Variants in C12orf56 observed in about 807,000 individuals in gnomAD.
The protein encoded by C12orf56 is chromosome 12 open reading frame 56, also known as uncharacterized protein C12orf56.
C12orf56 carries 71 observed loss-of-function variants against 69.9 expected under a neutral mutation model. The observed-to-expected ratio is 1.02, with a 90% CI of 0.84 to 1.24. The LOEUF (loss-of-function observed/expected upper bound fraction) is 1.24, where lower values mean the gene tolerates loss of function less well. Among genes scored for constraint, C12orf56 ranks in the 50% most tolerant of loss-of-function variants. C12orf56 has a pLI of 0.00. For missense variants in C12orf56, 732 were observed against 738.5 expected (o/e 0.99, Z 0.10); for synonymous variants, 276 against 274.1 (o/e 1.01, Z -0.07).
intron 4 of C12orf56, 91 bp downstream of exon 4, chr12:64,318,484 A>G (rs1261124591): frequency 8.8e-7 from 1 of 1,139,480 alleles, no homozygotes; most frequent in African/African-American, 1.6e-5. Context: ...AAATTTCCAA[A>G]ATGGGAGGTA....
intron 1 of C12orf56, among the ~76,000 whole-genome samples, chr12:64,373,930 A>C (rs1465064980): frequency 6.6e-6 from 1 of 152,218 alleles, no homozygotes; most frequent in Non-Finnish European, 1.5e-5. Flanking sequence ...TTCACATTGT[A>C]CATAAGCTTA....
At chr12:64,357,175 T>C (rs1006738633) in intron 1 of C12orf56, among the ~76,000 whole-genome samples, 1 of 152,044 alleles carries the variant, frequency 6.6e-6, no homozygotes, top group Non-Finnish European at 1.5e-5. Flanking sequence ...TAATTTGGTC[T>C]ATTTACTACT....
chr12:64,358,986 T>C (rs1425851562), intron 1 of C12orf56, among the ~76,000 whole-genome samples: 1 of 152,204 alleles, frequency 6.6e-6, no homozygotes, highest in Non-Finnish European at 1.5e-5. Flanking sequence ...TACTCCAAAA[T>C]AGGGCGCTTC....
intron 1 of C12orf56, among the ~76,000 whole-genome samples, chr12:64,375,299 C>T (rs1269024446): frequency 1.3e-5 from 2 of 152,168 alleles, no homozygotes; most frequent in African/African-American, 4.8e-5. Context: ...AAGTGATTCA[C>T]CTGCTTCTGC....
At chr12:64,276,334 T>A (rs1421543537) in intron 9 of C12orf56, among the ~76,000 whole-genome samples, 1 of 152,118 alleles carries the variant, frequency 6.6e-6, no homozygotes, top group African/African-American at 2.4e-5. Context: ...ACAAGGGCTA[T>A]GAAAGAAATG....
At chr12:64,350,538 G>A (rs527817437) in intron 2 of C12orf56, among the ~76,000 whole-genome samples, 18 of 152,314 alleles carry the variant, frequency 1.2e-4, no homozygotes, top group African/African-American at 4.3e-4. Context: ...GCTGATAAAA[G>A]CCTCTTGGGA....
intron 10 of C12orf56, 87 bp from the exon 11 acceptor site, chr12:64,275,062 C>A: frequency 1.6e-6 from 2 of 1,236,208 alleles, no homozygotes; most frequent in East Asian, 2.4e-5. Context: ...ACATTTTTAT[C>A]CTGATTAATC....
At chr12:64,315,167 G>C (rs933958613) in intron 4 of C12orf56, among the ~76,000 whole-genome samples, 1 of 151,822 alleles carries the variant, frequency 6.6e-6, no homozygotes, top group Admixed American at 6.6e-5. Flanking sequence ...GTCCAGGCTG[G>C]TCTCAAACTC....
chr12:64,383,469 C>T (rs1485718773), intron 1 of C12orf56, among the ~76,000 whole-genome samples: 4 of 152,024 alleles, frequency 2.6e-5, no homozygotes, highest in African/African-American at 4.8e-5. Context: ...CTCCACCTCC[C>T]GGGTTCAAGC....
At chr12:64,388,821 C>T (rs2039827941) in intron 1 of C12orf56, among the ~76,000 whole-genome samples, 1 of 152,214 alleles carries the variant, frequency 6.6e-6, no homozygotes, top group South Asian at 2.1e-4. Context: ...GGTGCCACTG[C>T]ACTCCAGCCT....
intron 5 of C12orf56, among the ~76,000 whole-genome samples, chr12:64,309,495 TTTTGTTTGTTTGTTTG>T (rs139454399): frequency 6.6e-6 from 1 of 151,248 alleles, no homozygotes; most frequent in Non-Finnish European, 1.5e-5. Context: ...CACACTGTTT[TTTTGTTTGTTTGTTTG>T]TTTGTTTGTT....
intron 8 of C12orf56, among the ~76,000 whole-genome samples, chr12:64,280,880 T>C (rs371755134): frequency 7.5e-4 from 115 of 152,350 alleles, no homozygotes; most frequent in African/African-American, 2.5e-3. Flanking sequence ...CCAGTTAAGC[T>C]GTGCCCAGAT....
intron 6 of C12orf56, among the ~76,000 whole-genome samples, chr12:64,301,860 A>G (rs1471068396): frequency 6.6e-6 from 1 of 152,186 alleles, no homozygotes; most frequent in Non-Finnish European, 1.5e-5. Flanking sequence ...AGAATGGACT[A>G]ATACACAGCC....
chr12:64,358,545 G>A (rs2039355116), intron 1 of C12orf56, among the ~76,000 whole-genome samples: 1 of 145,844 alleles, frequency 6.9e-6, no homozygotes, highest in Non-Finnish European at 1.5e-5. Context: ...TGTGATTGCA[G>A]CACTTTGGGA....
intron 12 of C12orf56, chr12:64,267,544 T>C (rs1184672854): frequency 2.3e-6 from 1 of 443,856 alleles, no homozygotes; most frequent in Non-Finnish European, 4.0e-6. Context: ...CTCACCACAG[T>C]ATGAGCAGAG....
At chr12:64,312,585 G>A in intron 5 of C12orf56, 94 bp downstream of exon 5, 1 of 933,760 alleles carries the variant, frequency 1.1e-6, no homozygotes. Flanking sequence ...CTCCAGCCTG[G>A]GAAACAGAGT....
chr12:64,335,141 G>T (rs10878150), intron 2 of C12orf56, among the ~76,000 whole-genome samples: 4 of 151,932 alleles, frequency 2.6e-5, no homozygotes, highest in African/African-American at 7.3e-5. Flanking sequence ...TTGTGGCCAG[G>T]CATGGTGGCT....
intron 1 of C12orf56, among the ~76,000 whole-genome samples, chr12:64,380,629 A>G (rs1279857451): frequency 6.6e-6 from 1 of 152,206 alleles, no homozygotes; most frequent in East Asian, 1.9e-4. Flanking sequence ...GTGATGGGGG[A>G]ATGGTACTTT....
chr12:64,313,502 G>A (rs532787105), intron 4 of C12orf56, among the ~76,000 whole-genome samples: 2 of 151,826 alleles, frequency 1.3e-5, no homozygotes, highest in Admixed American at 1.3e-4. Context: ...AGCTATGATT[G>A]TGCCACTACA....
Sources: allele counts gnomAD v4.1 joint callset (sites outside exome capture counted in the v4.1 genomes callset), GRCh38; gene constraint gnomAD v4.1.1; transcripts MANE v1.5; gene names NCBI Gene and HGNC (gene_info 2026-07-23, HGNC 2026-07-21).